Variants in CADM1 observed in about 807,000 individuals in gnomAD.
CADM1 encodes cell adhesion molecule 1, also known as TSLC-1.
A neutral mutation model predicts 53.1 loss-of-function variants in CADM1; 15 were observed. The observed-to-expected ratio is 0.28, with a 90% confidence interval of 0.19 to 0.44. CADM1 has a LOEUF of 0.44. Ranked by LOEUF, CADM1 falls within the 20% of genes least tolerant of loss-of-function variation. CADM1 has a pLI of 1.00. For synonymous variants in CADM1, 281 were observed against 243.0 expected, an observed-to-expected ratio of 1.16 and a Z score of -1.45; for missense variants, 434 against 611.3, an observed-to-expected ratio of 0.71 and a Z score of 3.06.
At position 115,175,111 on chromosome 11, in the gene CADM1, C is replaced by A; in HGVS notation, c.*1363G>T. 1.0e-6 allele frequency: 1 copy of A among 985,840 alleles called. No individual in the cohort carries two copies. The highest frequency in any genetic ancestry group is 1.2e-6 in the Non-Finnish European group (1 of 829,936). The allele number at this position is 985,840 out of a possible 1,614,324, so 61.1% of individuals were successfully genotyped here. On this transcript the variant is annotated 3_prime_UTR_variant, in exon 12 of 12. Coordinates refer to ENST00000331581, the MANE Select transcript of CADM1 (RefSeq NM_001301043.2). ...TGAAAGGTAAAAAGATAAAAACACT[C>A]ACATTTGAGTTTTGATTAAGTAACT...
At chr11:115,449,074 C>G (rs931321821) in intron 1 of CADM1, among the ~76,000 whole-genome samples, 2 of 152,118 alleles carry the variant, frequency 1.3e-5, no homozygotes, top group African/African-American at 4.8e-5. Context: ...TATGCAGGCA[C>G]CTTGTCCAAT....
chr11:115,480,019 A>C (rs1401337239), intron 1 of CADM1, among the ~76,000 whole-genome samples: 1 of 152,222 alleles, frequency 6.6e-6, no homozygotes, highest in African/African-American at 2.4e-5. Flanking sequence ...AAAATGTGTG[A>C]ATAAATCTAC....
chr11:115,236,314 G>A (rs1045518898), intron 3 of CADM1, among the ~76,000 whole-genome samples: 2 of 152,138 alleles, frequency 1.3e-5, no homozygotes, highest in Admixed American at 1.3e-4. Flanking sequence ...AGTGGAAATT[G>A]TCAGATTTTG....
At chr11:115,434,859 TA>T (rs1353525157) in intron 1 of CADM1, among the ~76,000 whole-genome samples, 81 of 104,200 alleles carry the variant, frequency 7.8e-4, no homozygotes, top group African/African-American at 1.9e-3. Flanking sequence ...TTATTATTAT[TA>T]TTATTTTTTT....
chr11:115,181,943 G>A (rs544244153), intron 10 of CADM1, among the ~76,000 whole-genome samples: 15 of 152,194 alleles, frequency 9.9e-5, no homozygotes, highest in Non-Finnish European at 1.9e-4. Context: ...AGGAAATACC[G>A]AGCACTAAGA....
intron 1 of CADM1, among the ~76,000 whole-genome samples, chr11:115,361,516 G>T (rs1395518752): frequency 6.6e-6 from 1 of 152,128 alleles, no homozygotes; most frequent in Non-Finnish European, 1.5e-5. Context: ...CCTGAATGGT[G>T]TATACAAGCC....
At chr11:115,345,465 T>C (rs1452109403) in intron 1 of CADM1, among the ~76,000 whole-genome samples, 1 of 152,202 alleles carries the variant, frequency 6.6e-6, no homozygotes, top group Non-Finnish European at 1.5e-5. Flanking sequence ...TAAGTTTATC[T>C]ACACAAGCAG....
chr11:115,280,451 T>C (rs1293624589), intron 1 of CADM1, among the ~76,000 whole-genome samples: 1 of 152,196 alleles, frequency 6.6e-6, no homozygotes, highest in African/African-American at 2.4e-5. Flanking sequence ...GGCATAGTGA[T>C]GAAAAATGCT....
intron 1 of CADM1, among the ~76,000 whole-genome samples, chr11:115,345,927 C>A (rs1411849646): frequency 7.2e-6 from 1 of 139,844 alleles, no homozygotes. Flanking sequence ...AAGCAATTAT[C>A]TGAAAAGATA....
At chr11:115,232,048 T>C (rs1004764818) in intron 3 of CADM1, among the ~76,000 whole-genome samples, 1 of 151,842 alleles carries the variant, frequency 6.6e-6, no homozygotes, top group African/African-American at 2.4e-5. Context: ...TGTCTCACTC[T>C]TATCACTGAG....
At chr11:115,483,288 G>C (rs1416034831) in intron 1 of CADM1, among the ~76,000 whole-genome samples, 1 of 152,114 alleles carries the variant, frequency 6.6e-6, no homozygotes, top group African/African-American at 2.4e-5. Flanking sequence ...CATTAACCTG[G>C]CAGTCAAAAC....
chr11:115,342,007 G>T (rs1224873529), intron 1 of CADM1, among the ~76,000 whole-genome samples: 1 of 152,078 alleles, frequency 6.6e-6, no homozygotes, highest in Non-Finnish European at 1.5e-5. Flanking sequence ...CTAATCCAAC[G>T]TCTTAGGCTA....
chr11:115,325,040 T>C (rs1030167720), intron 1 of CADM1, among the ~76,000 whole-genome samples: 6 of 152,152 alleles, frequency 3.9e-5, no homozygotes, highest in African/African-American at 1.2e-4. Context: ...ATCACGTAAA[T>C]GGAAGGTTCG....
In CADM1 at chr11:115,173,539, G is replaced by T; in HGVS notation, c.*2935C>A. 1 of 162,568 alleles carries T rather than the reference G, an allele frequency of 6.2e-6. No homozygotes were observed. The highest frequency in any genetic ancestry group is 1.3e-5 in the Non-Finnish European group (1 of 77,404). 10.1% of individuals were successfully genotyped at this position (162,568 alleles called of 1,614,324 possible). ...TGCCAGCGTTCCTGGCCCCGTACAT[G>T]GTCCTAAGGAGGAAGCTGGGACCAG... On this transcript the variant is annotated 3_prime_UTR_variant, in exon 12 of 12. Coordinates refer to ENST00000331581, the MANE Select transcript of CADM1 (RefSeq NM_001301043.2).
chr11:115,423,728 C>T (rs1306011192), intron 1 of CADM1, among the ~76,000 whole-genome samples: 1 of 152,142 alleles, frequency 6.6e-6, no homozygotes, highest in East Asian at 1.9e-4. Context: ...AGAACACATA[C>T]ATGTTTTACC....
At chr11:115,362,305 C>G (rs1336542557) in intron 1 of CADM1, among the ~76,000 whole-genome samples, 1 of 152,108 alleles carries the variant, frequency 6.6e-6, no homozygotes, top group Admixed American at 6.5e-5. Context: ...CTATCTTATA[C>G]CACTGAGAGT....
rs1379708736 is a variant in CADM1, at chr11:115,434,145, C to A, written c.124+70126G>T. On this transcript the variant is annotated intron_variant, in intron 1 of 11. Transcript: ENST00000331581. ...GTAAGGACTTTCACACTGGCTTCCC[C>A]ATGTCTATGACTTGCCACATTTTTA... 3.9e-5 allele frequency among the ~76,000 whole-genome samples: 6 copies of A among 152,262 alleles called. No homozygotes were observed. The East Asian group carries it at 1.2e-3, about 29-fold the overall frequency.
chr11:115,380,593 G>A (rs1344369044), intron 1 of CADM1, among the ~76,000 whole-genome samples: 1 of 152,034 alleles, frequency 6.6e-6, no homozygotes, highest in African/African-American at 2.4e-5. Context: ...AATTAATTAA[G>A]CAAACATTAG....
chr11:115,232,027 AC>A (rs1398666320), intron 3 of CADM1, among the ~76,000 whole-genome samples: 1 of 151,832 alleles, frequency 6.6e-6, no homozygotes, highest in African/African-American at 2.4e-5. Flanking sequence ...AACAACAACA[AC>A]AACAACCAAT....
Sources: allele counts gnomAD v4.1 joint callset (sites outside exome capture counted in the v4.1 genomes callset), GRCh38; gene constraint gnomAD v4.1.1; transcripts MANE v1.5; gene names NCBI Gene and HGNC (gene_info 2026-07-23, HGNC 2026-07-21).